Variants in CD2AP observed in about 807,000 individuals in gnomAD.
CD2AP encodes CD2-associated protein.
CD2AP carries 46 observed loss-of-function variants against 85.1 expected under a neutral mutation model. That is an observed-to-expected ratio of 0.54 (90% CI 0.43 to 0.69). The LOEUF (loss-of-function observed/expected upper bound fraction) is 0.69. Among genes scored for constraint, CD2AP ranks in the 30% least tolerant of loss-of-function variants. The probability of loss-of-function intolerance (pLI) is 0.00; values close to 1 mark genes in which losing one functional copy is unlikely to be tolerated. For missense variants in CD2AP, 769 were observed against 729.5 expected (o/e 1.05, Z -0.62); for synonymous variants, 255 against 252.9 (o/e 1.01, Z -0.08).
intron 4 of CD2AP, among the ~76,000 whole-genome samples, chr6:47,547,163 C>T (rs1582543245): frequency 6.6e-6 from 1 of 152,116 alleles, no homozygotes; most frequent in East Asian, 1.9e-4. Context: ...ATATAGGCAA[C>T]AAATACCATG....
intron 11 of CD2AP, among the ~76,000 whole-genome samples, chr6:47,587,314 G>T (rs192496602): frequency 9.1e-4 from 138 of 152,234 alleles, no homozygotes; most frequent in African/African-American, 3.2e-3. Context: ...GATGTGGGGC[G>T]CAGAAAAGAG....
chr6:47,551,104 T>TGCACC (rs1480508807), intron 4 of CD2AP, among the ~76,000 whole-genome samples: 3 of 152,020 alleles, frequency 2.0e-5, no homozygotes, highest in Non-Finnish European at 4.4e-5. Context: ...AGGTGATGGG[T>TGCACC]GCACCAGAAT....
intron 1 of CD2AP, among the ~76,000 whole-genome samples, chr6:47,495,933 C>A (rs903507039): frequency 2.0e-5 from 3 of 152,158 alleles, no homozygotes; most frequent in Non-Finnish European, 2.9e-5. Context: ...GATCTTGGAA[C>A]AATTTTAACT....
chr6:47,507,828 G>T (rs1438620325), intron 2 of CD2AP, among the ~76,000 whole-genome samples: 1 of 152,186 alleles, frequency 6.6e-6, no homozygotes, highest in South Asian at 2.1e-4. Flanking sequence ...ATGTTAGCAG[G>T]CATGAAAACA....
chr6:47,597,358 G>T lies in CD2AP; in HGVS notation c.1274+1332G>T, dbSNP rs1162920319. 1.3e-5 allele frequency among the ~76,000 whole-genome samples: 2 copies of T among 150,590 alleles called. 1 individual carries two copies. Among genetic ancestry groups the T allele is most frequent in the Non-Finnish European group, 3.0e-5 (2 of 67,108 alleles). On this transcript the variant is annotated intron_variant, in intron 12 of 17. Transcript: ENST00000359314. ...TCCTCCACTAGCTTTCTCAGGCCTT[G>T]CTGCAGCCAGGGCTGCATATGATGA...
At chr6:47,478,751 A>C (rs939696397) in intron 1 of CD2AP, among the ~76,000 whole-genome samples, 1 of 152,108 alleles carries the variant, frequency 6.6e-6, no homozygotes, top group Non-Finnish European at 1.5e-5. Flanking sequence ...TGAAACTCGC[A>C]AGGGGTGCCT....
At chr6:47,621,485 G>T (rs1193120164) in intron 17 of CD2AP, among the ~76,000 whole-genome samples, 1 of 152,188 alleles carries the variant, frequency 6.6e-6, no homozygotes, top group Non-Finnish European at 1.5e-5. Flanking sequence ...GTTCATCAAA[G>T]ATACTGGTCT....
At chr6:47,551,402 A>G (rs1229082741) in intron 4 of CD2AP, among the ~76,000 whole-genome samples, 1 of 152,194 alleles carries the variant, frequency 6.6e-6, no homozygotes, top group Non-Finnish European at 1.5e-5. Context: ...TTGTGTTTAT[A>G]CAAAGGCTGT....
chr6:47,524,826 G>C (rs62410687), intron 2 of CD2AP, among the ~76,000 whole-genome samples: 5 of 152,196 alleles, frequency 3.3e-5, no homozygotes, highest in Non-Finnish European at 7.3e-5. Flanking sequence ...GTAGAGGAGA[G>C]AAGTTTAGAA....
At chr6:47,503,528 A>G (rs1157474665) in intron 2 of CD2AP, 88 bp downstream of exon 2, 2 of 1,169,108 alleles carry the variant, frequency 1.7e-6, no homozygotes, top group Non-Finnish European at 2.5e-6. Flanking sequence ...TAAAATTAAA[A>G]TGTTTTAGAT....
chr6:47,576,859 C>T (rs1397568655), intron 7 of CD2AP, 150 bp from the exon 8 acceptor site: 31 of 645,650 alleles, frequency 4.8e-5, no homozygotes, highest in South Asian at 4.1e-4. Flanking sequence ...ACTTAACATA[C>T]GGTATTGACT....
chr6:47,603,090 T>C (rs2114142004), intron 13 of CD2AP, among the ~76,000 whole-genome samples: 1 of 152,216 alleles, frequency 6.6e-6, no homozygotes, highest in East Asian at 1.9e-4. Context: ...ATTTTTCTAA[T>C]AGGTACCTGT....
At position 47,521,754 on chromosome 6, in the gene CD2AP, G is replaced by T. The variant is rs115678806; in HGVS notation, c.166-11848G>T. On this transcript the variant is annotated intron_variant, in intron 2 of 17. Transcript: ENST00000359314. ...ACATGAGATTTAAGATAACTCTCAC[G>T]CCTGTAATCCCAGCACTTTGGGAGG... 3.5e-3 allele frequency among the ~76,000 whole-genome samples: 539 copies of T among 151,886 alleles called. 4 individuals are homozygous for T. Among genetic ancestry groups the T allele is most frequent in the African/African-American group, 0.012 (511 of 41,422 alleles).
At chr6:47,583,872 C>T (rs1457491269) in intron 11 of CD2AP, among the ~76,000 whole-genome samples, 3 of 152,188 alleles carry the variant, frequency 2.0e-5, no homozygotes, top group Admixed American at 6.5e-5. Flanking sequence ...CCATTTTGTA[C>T]TCCCCCTAGT....
intron 2 of CD2AP, among the ~76,000 whole-genome samples, chr6:47,527,171 T>C (rs564143588): frequency 6.6e-6 from 1 of 152,248 alleles, no homozygotes; most frequent in East Asian, 1.9e-4. Flanking sequence ...AACAGTTACA[T>C]GAAGAGGTCA....
At chr6:47,511,921 G>A (rs146225673) in intron 2 of CD2AP, among the ~76,000 whole-genome samples, 2,382 of 152,252 alleles carry the variant, frequency 0.016, 44 homozygotes, top group African/African-American at 0.038. Context: ...CACTTTGGGA[G>A]GCCGAGGTGG....
intron 5 of CD2AP, among the ~76,000 whole-genome samples, chr6:47,569,527 A>G (rs543602266): frequency 1.1e-4 from 17 of 151,612 alleles, no homozygotes; most frequent in African/African-American, 3.6e-4. Context: ...TTATCCCTCT[A>G]GGCTTTACCG....
intron 1 of CD2AP, among the ~76,000 whole-genome samples, chr6:47,494,195 T>C (rs1252855164): frequency 6.6e-6 from 1 of 152,174 alleles, no homozygotes; most frequent in Non-Finnish European, 1.5e-5. Flanking sequence ...TGAGGATTTA[T>C]ATTTATCTGC....
chr6:47,623,229 G>A (rs1036785561), intron 17 of CD2AP, among the ~76,000 whole-genome samples: 29 of 152,136 alleles, frequency 1.9e-4, no homozygotes, highest in African/African-American at 6.8e-4. Context: ...TTTTGACTAT[G>A]GCAAAGTCCT....
Sources: allele counts gnomAD v4.1 joint callset (sites outside exome capture counted in the v4.1 genomes callset), GRCh38; gene constraint gnomAD v4.1.1; transcripts MANE v1.5; gene names NCBI Gene and HGNC (gene_info 2026-07-23, HGNC 2026-07-21).